The following TXLNG variants were observed in gnomAD, a reference collection of about 807,000 sequenced individuals.
TXLNG encodes the protein gamma-taxilin.
Under a neutral mutation model 38.8 loss-of-function variants are expected in TXLNG, and 5 were observed. The ratio of observed to expected loss-of-function variants is 0.13; its 90% CI spans 0.07 to 0.27. The LOEUF (loss-of-function observed/expected upper bound fraction) is 0.27, where lower values mean the gene tolerates loss of function less well. Ranked by LOEUF, TXLNG falls within the 10% of genes least tolerant of loss-of-function variation. The pLI is 1.00. For missense variants in TXLNG, 393 were observed against 398.2 expected (o/e 0.99, Z 0.11); for synonymous variants, 182 against 158.2 (o/e 1.15, Z -1.13).
At chrX:16,813,601 T>C (rs949437869) in intron 1 of TXLNG, among the ~76,000 whole-genome samples, 46 of 105,215 alleles carry the variant, frequency 4.4e-4, no homozygotes, top group African/African-American at 1.6e-3. Context: ...TAAGCTTGCA[T>C]TGTGCAGTCT....
chrX:16,828,470 G>A (rs1191464706), intron 4 of TXLNG, among the ~76,000 whole-genome samples: 4 of 112,061 alleles, frequency 3.6e-5, no homozygotes, highest in Non-Finnish European at 7.5e-5. Flanking sequence ...CCTGTTCAAG[G>A]AAGAGCACCT....
chrX:16,829,843 A>C, intron 5 of TXLNG, 73 bp downstream of exon 5: 1 of 1,043,568 alleles, frequency 9.6e-7, no homozygotes, highest in Non-Finnish European at 1.3e-6. Context: ...CTAAAGTAAA[A>C]CTGCTGTCAC....
intron 1 of TXLNG, among the ~76,000 whole-genome samples, chrX:16,786,992 G>C (rs1927513612): frequency 8.8e-6 from 1 of 113,154 alleles, no homozygotes; most frequent in Admixed American, 9.2e-5. Context: ...CGCCGTCCGG[G>C]GGCTCGCTGG....
chrX:16,821,419 A>G (rs1008394772), intron 3 of TXLNG, among the ~76,000 whole-genome samples: 3 of 112,102 alleles, frequency 2.7e-5, no homozygotes, highest in East Asian at 2.8e-4. Flanking sequence ...CATTACAGGC[A>G]TGAGCCACTG....
At chrX:16,792,762 G>C (rs947301076) in intron 1 of TXLNG, among the ~76,000 whole-genome samples, 3 of 108,480 alleles carry the variant, frequency 2.8e-5, no homozygotes, top group African/African-American at 1.0e-4. Context: ...CTGGGCAAGA[G>C]AGTGAGATCC....
At chrX:16,802,819 TTC>T (rs1315500972) in intron 1 of TXLNG, among the ~76,000 whole-genome samples, 2 of 84,124 alleles carry the variant, frequency 2.4e-5, no homozygotes, top group Non-Finnish European at 4.9e-5. Flanking sequence ...CTTTCTTTCT[TTC>T]TTTTTTTTTT....
chrX:16,798,509 T>G (rs1927966675), intron 1 of TXLNG, among the ~76,000 whole-genome samples: 2 of 111,216 alleles, frequency 1.8e-5, no homozygotes, highest in African/African-American at 6.5e-5. Flanking sequence ...GAGCAGCAAG[T>G]TGGGTTCATA....
At chrX:16,806,256 A>G (rs748461880) in intron 1 of TXLNG, among the ~76,000 whole-genome samples, 9 of 112,449 alleles carry the variant, frequency 8.0e-5, no homozygotes, top group Admixed American at 2.9e-4. Context: ...TTTATGTTTT[A>G]TAAAACCAAA....
chrX:16,840,433 A>G (rs1247523387), intron 9 of TXLNG: 14 of 752,945 alleles, frequency 1.9e-5, no homozygotes, highest in African/African-American at 2.3e-5. Context: ...CCTGTTTTAT[A>G]TAACACTTCA....
chrX:16,824,775 A>G (rs1461168743), intron 3 of TXLNG, among the ~76,000 whole-genome samples: 1 of 100,554 alleles, frequency 9.9e-6, no homozygotes, highest in African/African-American at 3.8e-5. Context: ...AAAAAAAAAA[A>G]TTAGCCGGGC....
At chrX:16,794,211 A>G (rs1435131893) in intron 1 of TXLNG, among the ~76,000 whole-genome samples, 1 of 111,805 alleles carries the variant, frequency 8.9e-6, no homozygotes, top group Admixed American at 9.6e-5. Flanking sequence ...ATTTCCTCAG[A>G]TAGTAAAGGT....
chrX:16,803,054 G>A (rs935749146), intron 1 of TXLNG, among the ~76,000 whole-genome samples: 1 of 110,572 alleles, frequency 9.0e-6, no homozygotes, highest in Non-Finnish European at 1.9e-5. Flanking sequence ...TCCTGACCTC[G>A]TGATCCACCC....
At chrX:16,833,866 T>G (rs1341346112) in intron 6 of TXLNG, among the ~76,000 whole-genome samples, 1 of 112,191 alleles carries the variant, frequency 8.9e-6, no homozygotes, top group Non-Finnish European at 1.9e-5. Context: ...CAAGATTGAT[T>G]GCGTTGCTTT....
intron 7 of TXLNG, 152 bp from the exon 8 acceptor site, chrX:16,837,441 T>C (rs148425704): frequency 1.2e-4 from 49 of 415,134 alleles, no homozygotes; most frequent in Middle Eastern, 6.8e-4. Context: ...GTCAGAACTT[T>C]AGCCATCTAT....
chrX:16,794,181 T>A (rs905680957), intron 1 of TXLNG, among the ~76,000 whole-genome samples: 1 of 111,861 alleles, frequency 8.9e-6, no homozygotes, highest in Non-Finnish European at 1.9e-5. Flanking sequence ...TTGTCCATAT[T>A]TCGTATCTCT....
rs1930005593 is a variant in TXLNG, at chrX:16,844,312, G to T, written c.*2546G>T. ...TTTCAGACTGTAGATGGAAATAACT[G>T]TGAAAAAAATGATGCAGATATCTTC... On this transcript the variant is annotated 3_prime_UTR_variant, in exon 10 of 10. Coordinates refer to ENST00000380122, the MANE Select transcript of TXLNG (RefSeq NM_018360.3). 1 of 112,074 alleles carries T rather than the reference G, an allele frequency of 8.9e-6. No individual in the cohort carries two copies. Among genetic ancestry groups the T allele is most frequent in the South Asian group, 3.7e-4 (1 of 2,705 alleles). The allele number at this position is 112,074 out of a possible 1,213,427, so 9.2% of individuals were successfully genotyped here.
At chrX:16,832,350 G>C (rs1453140341) in intron 5 of TXLNG, among the ~76,000 whole-genome samples, 2 of 112,563 alleles carry the variant, frequency 1.8e-5, no homozygotes, top group South Asian at 7.3e-4. Context: ...ATACCAAGCT[G>C]GTGAGGGGGA....
chrX:16,830,753 A>G (rs1006167060), intron 5 of TXLNG, among the ~76,000 whole-genome samples: 2 of 106,610 alleles, frequency 1.9e-5, no homozygotes, highest in African/African-American at 6.9e-5. Flanking sequence ...TTAAAAAAAA[A>G]TTATGGAAAA....
chrX:16,805,122 C>T (rs1359658188), intron 1 of TXLNG, among the ~76,000 whole-genome samples: 2 of 105,623 alleles, frequency 1.9e-5, no homozygotes, highest in Non-Finnish European at 3.9e-5. Flanking sequence ...TAGCTGGGAC[C>T]GCAGATGTGT....
Sources: allele counts gnomAD v4.1 joint callset (sites outside exome capture counted in the v4.1 genomes callset), GRCh38; gene constraint gnomAD v4.1.1; transcripts MANE v1.5; gene names NCBI Gene and HGNC (gene_info 2026-07-23, HGNC 2026-07-21).